Variants in ULK4 observed in about 807,000 individuals in gnomAD.
The protein encoded by ULK4 is unc-51 like kinase 4, also known as inactive serine/threonine-protein kinase ULK4.
Under a neutral mutation model 160.6 loss-of-function variants are expected in ULK4, and 133 were observed. The ratio of observed to expected loss-of-function variants is 0.83; its 90% CI spans 0.72 to 0.96. The LOEUF (loss-of-function observed/expected upper bound fraction) is 0.96, where lower values mean the gene tolerates loss of function less well. Ranked by LOEUF, ULK4 falls within the 40% of genes least tolerant of loss-of-function variation. The pLI, the probability that ULK4 is intolerant of heterozygous loss-of-function variation, is 0.00. For missense variants in ULK4, 1,580 were observed against 1,499.5 expected, an observed-to-expected ratio of 1.05 and a Z score of -0.89; for synonymous variants, 534 against 539.8, an observed-to-expected ratio of 0.99 and a Z score of 0.15.
chr3:41,740,555 G>A (rs752013395), intron 22 of ULK4, among the ~76,000 whole-genome samples: 1 of 151,898 alleles, frequency 6.6e-6, no homozygotes, highest in Non-Finnish European at 1.5e-5. Context: ...GATCTTGACA[G>A]CTCAATTTCA....
intron 22 of ULK4, among the ~76,000 whole-genome samples, chr3:41,744,509 A>G (rs1575638980): frequency 6.6e-6 from 1 of 151,958 alleles, no homozygotes; most frequent in African/African-American, 2.4e-5. Flanking sequence ...TAATACCCTA[A>G]GTAAGTATGC....
At chr3:41,353,375 A>G (rs2080951616) in intron 35 of ULK4, among the ~76,000 whole-genome samples, 2 of 152,180 alleles carry the variant, frequency 1.3e-5, no homozygotes, top group South Asian at 4.1e-4. Flanking sequence ...TAAAGCCAAT[A>G]ATGACTAAAG....
intron 17 of ULK4, among the ~76,000 whole-genome samples, chr3:41,870,687 T>C (rs184168965): frequency 1.1e-3 from 168 of 152,300 alleles, no homozygotes; most frequent in African/African-American, 3.9e-3. Flanking sequence ...TCTACATCAC[T>C]TTACCACGTG....
chr3:41,360,463 G>A (rs546369171), intron 35 of ULK4, among the ~76,000 whole-genome samples: 5 of 152,238 alleles, frequency 3.3e-5, no homozygotes, highest in South Asian at 2.1e-4. Context: ...ATACATGCAC[G>A]TGTATGCTCA....
At chr3:41,722,361 G>C (rs2037501437) in intron 22 of ULK4, among the ~76,000 whole-genome samples, 1 of 152,102 alleles carries the variant, frequency 6.6e-6, no homozygotes, top group South Asian at 2.1e-4. Context: ...GGGCGCAGTG[G>C]CTCACACCTG....
intron 25 of ULK4, among the ~76,000 whole-genome samples, chr3:41,712,400 G>GGCAGCTCTTGGCTGCTGCTACT (rs2037131486): frequency 6.6e-6 from 1 of 152,118 alleles, no homozygotes; most frequent in Non-Finnish European, 1.5e-5. Context: ...GCTGCCTCAG[G>GGCAGCTCTTGGCTGCTGCTACT]GGAAGCCAAG....
At chr3:41,652,951 C>T (rs2034799056) in intron 30 of ULK4, among the ~76,000 whole-genome samples, 1 of 152,160 alleles carries the variant, frequency 6.6e-6, no homozygotes, top group Non-Finnish European at 1.5e-5. Context: ...GCTGGGGCCT[C>T]ATTTTCCTAA....
intron 31 of ULK4, among the ~76,000 whole-genome samples, chr3:41,569,706 T>C (rs1415099275): frequency 6.6e-6 from 1 of 152,180 alleles, no homozygotes; most frequent in Admixed American, 6.5e-5. Flanking sequence ...GTCCTCTCTC[T>C]TGTTGATCAG....
intron 27 of ULK4, among the ~76,000 whole-genome samples, chr3:41,690,360 G>A (rs969131219): frequency 1.6e-4 from 24 of 151,252 alleles, no homozygotes; most frequent in African/African-American, 5.6e-4. Flanking sequence ...GTTAATGGGT[G>A]CAGCACACCA....
chr3:41,722,648 AAAATT>A (rs200557150), intron 22 of ULK4, among the ~76,000 whole-genome samples: 4,343 of 152,248 alleles, frequency 0.029, 202 homozygotes, highest in African/African-American at 0.099. Context: ...TTAATTAATT[AAAATT>A]AAATTAAAAT....
At position 41,911,570 on chromosome 3, in the gene ULK4, C is replaced by T. The variant is rs995871346; in HGVS notation, c.986G>A (p.Gly329Asp). 3 of 1,613,960 alleles carry T rather than the reference C, an allele frequency of 1.9e-6. No homozygotes were observed. The highest frequency in any genetic ancestry group is 1.7e-6 in the Non-Finnish European group (2 of 1,179,962). The part of the protein sequence containing the change: ...QSRQAKGHKS[G>D]QPLGHSFRLE... ...TCTGAAAGAGTGACCTAGTGGTTGA[C>T]CACTCTTGTGCCCTTTTGCTTGTCT... Residue 329 changes from glycine (G) to aspartate (D), a missense_variant, in exon 10 of 37, where the codon GGT becomes GAT. Coordinates refer to ENST00000301831, the MANE Select transcript of ULK4 (RefSeq NM_017886.4).
intron 35 of ULK4, among the ~76,000 whole-genome samples, chr3:41,260,634 T>C (rs188438918): frequency 6.6e-6 from 1 of 152,282 alleles, no homozygotes; most frequent in East Asian, 1.9e-4. Context: ...TTCCCATCAG[T>C]GCATCTGCTG....
At chr3:41,374,539 C>T (rs147755479) in intron 35 of ULK4, among the ~76,000 whole-genome samples, 139 of 152,310 alleles carry the variant, frequency 9.1e-4, no homozygotes, top group African/African-American at 3.3e-3. Flanking sequence ...GAAAAAAACA[C>T]ATGATTATCT....
rs376161976 is a variant in ULK4, at chr3:41,920,196, T to A, written c.542-378A>T. ...CAACAAATCTACCAAGAAGCTCTGATCCTCATAGTCACTCAAAGACCCAGG... is the reference window on the plus strand; with the variant it reads ...CAACAAATCTACCAAGAAGCTCTGAACCTCATAGTCACTCAAAGACCCAGG... On this transcript the variant is annotated intron_variant, in intron 5 of 36. Transcript: ENST00000301831. Among the ~76,000 whole-genome samples the A allele has an allele frequency of 1.3e-3, 192 of 152,286 alleles. 3 individuals are homozygous for A. In the South Asian group the frequency reaches 0.015, roughly 12 times the overall value.
At chr3:41,421,116 CAAAAA>C (rs757138913) in intron 34 of ULK4, among the ~76,000 whole-genome samples, 26 of 105,184 alleles carry the variant, frequency 2.5e-4, no homozygotes, top group East Asian at 1.3e-3. Context: ...GACCCCATCT[CAAAAA>C]AAAAAGAAAA....
intron 32 of ULK4, among the ~76,000 whole-genome samples, chr3:41,472,194 A>C (rs1393285951): frequency 6.6e-6 from 1 of 152,178 alleles, no homozygotes; most frequent in Non-Finnish European, 1.5e-5. Context: ...AAACAACTAA[A>C]TGTCAAAAAA....
At chr3:41,287,260 G>A (rs1338451616) in intron 35 of ULK4, among the ~76,000 whole-genome samples, 1 of 152,172 alleles carries the variant, frequency 6.6e-6, no homozygotes, top group Non-Finnish European at 1.5e-5. Context: ...AAGGCTAAGT[G>A]AGTAAAGGAG....
chr3:41,436,662 G>T (rs928071482), intron 34 of ULK4, among the ~76,000 whole-genome samples: 7 of 152,076 alleles, frequency 4.6e-5, no homozygotes, highest in African/African-American at 9.7e-5. Context: ...AATATGTTAG[G>T]GGCCAACTGC....
chr3:41,650,177 C>T (rs1226238362), intron 30 of ULK4, among the ~76,000 whole-genome samples: 1 of 152,182 alleles, frequency 6.6e-6, no homozygotes, highest in African/African-American at 2.4e-5. Flanking sequence ...CTCAGTGAAG[C>T]TCCTCTCCGT....
Sources: gnomAD v4.1 joint callset for allele counts (sites outside exome capture counted in the v4.1 genomes callset) on GRCh38, gnomAD v4.1.1 for gene constraint, MANE v1.5 for transcripts, NCBI Gene and HGNC (gene_info 2026-07-23, HGNC 2026-07-21) for gene names.